Variants in ZNF804A observed in about 807,000 individuals in gnomAD.
The protein encoded by ZNF804A is zinc finger protein 804A.
Under a neutral mutation model 16.5 loss-of-function variants are expected in ZNF804A, and 2 were observed. The ratio of observed to expected loss-of-function variants is 0.12; its 90% CI spans 0.05 to 0.38. The LOEUF (loss-of-function observed/expected upper bound fraction) is 0.38. Among genes scored for constraint, ZNF804A ranks in the 10% least tolerant of loss-of-function variants. The pLI is 0.99. For missense variants in ZNF804A, 1,473 were observed against 1,390.7 expected, an observed-to-expected ratio of 1.06 and a Z score of -0.94; for synonymous variants, 534 against 489.6, an observed-to-expected ratio of 1.09 and a Z score of -1.20.
chr2:184,794,161 C>T (rs953768906), intron 1 of ZNF804A, among the ~76,000 whole-genome samples: 11 of 152,058 alleles, frequency 7.2e-5, no homozygotes, highest in Admixed American at 2.6e-4. Flanking sequence ...TTTTCCATAG[C>T]GGTTGTACTA....
chr2:184,780,620 G>A (rs1287495955), intron 1 of ZNF804A, among the ~76,000 whole-genome samples: 2 of 151,720 alleles, frequency 1.3e-5, no homozygotes, highest in African/African-American at 4.8e-5. Context: ...TGGGAGTCAA[G>A]GCAAACTCTG....
intron 1 of ZNF804A, among the ~76,000 whole-genome samples, chr2:184,688,313 G>T (rs1158201701): frequency 6.6e-6 from 1 of 150,838 alleles, no homozygotes; most frequent in Non-Finnish European, 1.5e-5. Context: ...TATCATTGGA[G>T]AAATCTTTTT....
At position 184,628,417 on chromosome 2, in the gene ZNF804A, A is replaced by G. The variant is rs547839979; in HGVS notation, c.111+29347A>G. Among the ~76,000 whole-genome samples, 149 of 152,330 alleles carry G rather than the reference A, an allele frequency of 9.8e-4. 1 individual carries two copies. Among genetic ancestry groups the G allele is most frequent in the Middle Eastern group, 6.8e-3 (2 of 294 alleles). On this transcript the variant is annotated intron_variant, in intron 1 of 3. Transcript: ENST00000302277. ...TGTTTAAAAGCAGATATGGAAAATT[A>G]CAAGTATTAATAATTACAAAAATTA...
chr2:184,837,119 C>T (rs1231613720), intron 1 of ZNF804A, among the ~76,000 whole-genome samples: 2 of 151,988 alleles, frequency 1.3e-5, no homozygotes, highest in African/African-American at 4.8e-5. Flanking sequence ...CCTATGAAGT[C>T]TTTACCATAG....
chr2:184,731,265 A>G (rs1253074334), intron 1 of ZNF804A, among the ~76,000 whole-genome samples: 1 of 146,808 alleles, frequency 6.8e-6, no homozygotes, highest in African/African-American at 2.6e-5. Flanking sequence ...AAAAAAAAAA[A>G]AAAAAAAAAA....
At chr2:184,850,502 T>C (rs763401016) in intron 1 of ZNF804A, among the ~76,000 whole-genome samples, 1 of 151,864 alleles carries the variant, frequency 6.6e-6, no homozygotes, top group Non-Finnish European at 1.5e-5. Flanking sequence ...TCTGGAAATA[T>C]TCTTCCAGAA....
intron 1 of ZNF804A, among the ~76,000 whole-genome samples, chr2:184,736,858 CTT>C (rs1013724436): frequency 1.5e-5 from 2 of 131,152 alleles, no homozygotes; most frequent in Non-Finnish European, 3.4e-5. Flanking sequence ...CGTATTTCTT[CTT>C]TTTTTTTTTT....
At chr2:184,701,241 G>A (rs1190677587) in intron 1 of ZNF804A, among the ~76,000 whole-genome samples, 1 of 151,718 alleles carries the variant, frequency 6.6e-6, no homozygotes. Context: ...ACTACCAAGA[G>A]CCACAAAAAC....
At chr2:184,646,743 T>G (rs1417582766) in intron 1 of ZNF804A, among the ~76,000 whole-genome samples, 1 of 152,216 alleles carries the variant, frequency 6.6e-6, no homozygotes, top group Non-Finnish European at 1.5e-5. Flanking sequence ...CCCCATGCAG[T>G]TAACTTGAGG....
At chr2:184,675,030 G>C (rs553226853) in intron 1 of ZNF804A, among the ~76,000 whole-genome samples, 1 of 151,588 alleles carries the variant, frequency 6.6e-6, no homozygotes, top group Non-Finnish European at 1.5e-5. Context: ...ATGTATATAC[G>C]TATGTGCGTG....
intron 2 of ZNF804A, among the ~76,000 whole-genome samples, chr2:184,884,908 A>C (rs1399686034): frequency 6.6e-6 from 1 of 152,186 alleles, no homozygotes; most frequent in South Asian, 2.1e-4. Context: ...AAAGAAACAG[A>C]CAACCTGCAG....
intron 1 of ZNF804A, among the ~76,000 whole-genome samples, chr2:184,810,035 T>G (rs1440690157): frequency 2.6e-5 from 4 of 152,192 alleles, no homozygotes; most frequent in African/African-American, 4.8e-5. Context: ...ATATTAGGTT[T>G]TTGTCTGCAG....
chr2:184,598,984 A>C lies in ZNF804A; in HGVS notation c.25A>C (p.Ser9Arg), dbSNP rs1398727944. MECYYIVI[S>R]STHLSNGHFR... ...CATGGAGTGTTACTACATTGTCATC[A>C]GCTCCACGCATCTCAGCAACGGACA... Residue 9 changes from serine to arginine, a missense_variant, in exon 1 of 4, where the codon AGC (serine) becomes CGC (arginine). Transcript: ENST00000302277. 1 of 1,613,708 alleles carries C rather than the reference A, an allele frequency of 6.2e-7. No individual in the cohort carries two copies. Among genetic ancestry groups the C allele is most frequent in the Non-Finnish European group, 8.5e-7 (1 of 1,179,790 alleles).
chr2:184,929,082 G>A (rs1685653177), intron 2 of ZNF804A, among the ~76,000 whole-genome samples: 1 of 152,204 alleles, frequency 6.6e-6, no homozygotes, highest in African/African-American at 2.4e-5. Flanking sequence ...GCGGGGGGAA[G>A]ATGATTAGTG....
chr2:184,884,710 A>T (rs147526518), intron 2 of ZNF804A, among the ~76,000 whole-genome samples: 3 of 152,256 alleles, frequency 2.0e-5, no homozygotes, highest in Admixed American at 1.3e-4. Context: ...TGTATTAAAG[A>T]CTTAAATGTA....
intron 1 of ZNF804A, among the ~76,000 whole-genome samples, chr2:184,792,759 T>C (rs914749294): frequency 1.1e-4 from 16 of 152,088 alleles, no homozygotes; most frequent in African/African-American, 2.9e-4. Context: ...TGTTATCTTC[T>C]AGGAGTTTTT....
chr2:184,928,018 C>A (rs763114680), intron 2 of ZNF804A, among the ~76,000 whole-genome samples: 4 of 151,916 alleles, frequency 2.6e-5, no homozygotes. Flanking sequence ...AGTCCCCTTT[C>A]CTTCTCTCTA....
chr2:184,635,634 T>A (rs776428779), intron 1 of ZNF804A, among the ~76,000 whole-genome samples: 34 of 152,288 alleles, frequency 2.2e-4, no homozygotes, highest in Middle Eastern at 3.4e-3. Context: ...TATTAGTTTT[T>A]GAAATATAAC....
intron 1 of ZNF804A, among the ~76,000 whole-genome samples, chr2:184,600,140 C>T (rs1286850404): frequency 1.3e-5 from 2 of 152,092 alleles, no homozygotes; most frequent in East Asian, 3.9e-4. Context: ...TAAGGACAGA[C>T]TCAAATAGTC....
Sources: allele counts gnomAD v4.1 joint callset (sites outside exome capture counted in the v4.1 genomes callset), GRCh38; gene constraint gnomAD v4.1.1; transcripts MANE v1.5; gene names NCBI Gene and HGNC (gene_info 2026-07-23, HGNC 2026-07-21).